Variants in EVI5 observed in about 807,000 individuals in gnomAD.
EVI5 encodes ecotropic viral integration site 5 protein homolog.
EVI5 carries 73 observed loss-of-function variants against 112.0 expected under a neutral mutation model. The ratio of observed to expected loss-of-function variants is 0.65; its 90% confidence interval spans 0.54 to 0.79. EVI5 has a LOEUF of 0.79. EVI5 is among the 30% of genes least tolerant of loss of function. EVI5 has a pLI of 0.00. For missense variants in EVI5, 900 were observed against 968.8 expected, an observed-to-expected ratio of 0.93 and a Z score of 0.94; for synonymous variants, 305 against 319.9, an observed-to-expected ratio of 0.95 and a Z score of 0.50.
intron 2 of EVI5, among the ~76,000 whole-genome samples, chr1:92,729,145 T>G (rs1676065718): frequency 6.6e-6 from 1 of 152,242 alleles, no homozygotes; most frequent in South Asian, 2.1e-4. Context: ...ATAAATCTTC[T>G]ATCTGTGAAA....
intron 13 of EVI5, among the ~76,000 whole-genome samples, chr1:92,648,934 G>C (rs1661546305): frequency 6.6e-6 from 1 of 152,132 alleles, no homozygotes; most frequent in African/African-American, 2.4e-5. Flanking sequence ...TTAACTTTTT[G>C]AGGAACTGCC....
At chr1:92,597,778 G>T (rs777746616) in intron 18 of EVI5, among the ~76,000 whole-genome samples, 2 of 152,230 alleles carry the variant, frequency 1.3e-5, no homozygotes, top group African/African-American at 2.4e-5. Context: ...TAGCAACGAG[G>T]CTGTGTGCAG....
At chr1:92,559,366 A>G (rs1162860789) in intron 19 of EVI5, among the ~76,000 whole-genome samples, 1 of 152,054 alleles carries the variant, frequency 6.6e-6, no homozygotes, top group Non-Finnish European at 1.5e-5. Context: ...ACCCTTCACT[A>G]TACTCCAGCC....
intron 18 of EVI5, among the ~76,000 whole-genome samples, chr1:92,592,778 C>A (rs1285914574): frequency 2.0e-5 from 3 of 152,140 alleles, no homozygotes; most frequent in Admixed American, 6.5e-5. Flanking sequence ...ACCATCAGAG[C>A]ATACTATAAA....
At chr1:92,539,017 T>C (rs1212589359) in intron 19 of EVI5, among the ~76,000 whole-genome samples, 2 of 152,214 alleles carry the variant, frequency 1.3e-5, no homozygotes, top group Non-Finnish European at 2.9e-5. Flanking sequence ...AGTGGAGTAG[T>C]GTCATTAGAT....
chr1:92,783,483 TAA>T (rs774619273), intron 1 of EVI5, among the ~76,000 whole-genome samples: 6,773 of 23,084 alleles, frequency 0.29, 173 homozygotes, highest in Non-Finnish European at 0.35. Context: ...GACTCAGCCT[TAA>T]AAAAAAAAAA....
intron 2 of EVI5, among the ~76,000 whole-genome samples, chr1:92,710,177 T>G (rs1275176267): frequency 6.9e-6 from 1 of 145,054 alleles, no homozygotes; most frequent in Admixed American, 6.9e-5. Flanking sequence ...ACCCCATCTC[T>G]ACTAAAAATA....
chr1:92,735,585 A>C (rs1485119585), intron 2 of EVI5, among the ~76,000 whole-genome samples: 5 of 147,130 alleles, frequency 3.4e-5, no homozygotes, highest in Non-Finnish European at 6.0e-5. Context: ...ATATGTATAT[A>C]ATGTATATAT....
intron 2 of EVI5, among the ~76,000 whole-genome samples, chr1:92,735,978 C>T (rs552152381): frequency 2.4e-4 from 36 of 150,660 alleles, no homozygotes; most frequent in African/African-American, 8.0e-4. Flanking sequence ...TATTTAATAC[C>T]ATTAGGAGAA....
chr1:92,620,854 A>G (rs2101742262), intron 16 of EVI5, among the ~76,000 whole-genome samples: 1 of 152,328 alleles, frequency 6.6e-6, no homozygotes, highest in East Asian at 1.9e-4. Context: ...AAGTTTTTCA[A>G]TTTCTATGAA....
At chr1:92,620,984 A>G (rs1654434506) in intron 16 of EVI5, among the ~76,000 whole-genome samples, 1 of 152,102 alleles carries the variant, frequency 6.6e-6, no homozygotes, top group Non-Finnish European at 1.5e-5. Flanking sequence ...CTTAGATTAC[A>G]CATGAAGTGT....
intron 16 of EVI5, among the ~76,000 whole-genome samples, chr1:92,612,514 G>T (rs1004122773): frequency 2.0e-5 from 3 of 151,914 alleles, no homozygotes; most frequent in African/African-American, 7.3e-5. Context: ...TTCGACACTA[G>T]CCTGGCCAAT....
chr1:92,748,428 C>T (rs909985892), intron 1 of EVI5, among the ~76,000 whole-genome samples: 25 of 152,176 alleles, frequency 1.6e-4, no homozygotes, highest in African/African-American at 5.8e-4. Context: ...AGACCAAAGA[C>T]GTGAAGCAGA....
At chr1:92,630,768 C>T (rs1656870464) in intron 14 of EVI5, among the ~76,000 whole-genome samples, 1 of 152,126 alleles carries the variant, frequency 6.6e-6, no homozygotes, top group Non-Finnish European at 1.5e-5. Context: ...AATGATACTG[C>T]CTAGGTTTTC....
At chr1:92,518,401 T>C (rs957181983) in intron 19 of EVI5, among the ~76,000 whole-genome samples, 8 of 152,006 alleles carry the variant, frequency 5.3e-5, no homozygotes, top group Admixed American at 1.3e-4. Context: ...ACTAAGGAAA[T>C]AGAGGCACCA....
intron 16 of EVI5, among the ~76,000 whole-genome samples, chr1:92,619,982 T>C (rs1046327048): frequency 2.6e-5 from 4 of 152,046 alleles, no homozygotes; most frequent in African/African-American, 9.7e-5. Context: ...TTAGACAACC[T>C]TGAACAATCT....
At chr1:92,554,136 T>C (rs868144322) in intron 19 of EVI5, among the ~76,000 whole-genome samples, 1 of 152,192 alleles carries the variant, frequency 6.6e-6, no homozygotes, top group African/African-American at 2.4e-5. Context: ...AATTCTGCAG[T>C]CTTAGATAGA....
intron 18 of EVI5, among the ~76,000 whole-genome samples, chr1:92,565,058 T>C (rs537727706): frequency 1.3e-5 from 2 of 152,310 alleles, no homozygotes; most frequent in South Asian, 4.1e-4. Flanking sequence ...AAGCCATGTG[T>C]TGATGCTTAA....
chr1:92,757,323 A>G (rs568579685), intron 1 of EVI5, among the ~76,000 whole-genome samples: 5 of 152,320 alleles, frequency 3.3e-5, no homozygotes, highest in Admixed American at 6.5e-5. Context: ...ACATTGGCTT[A>G]TAAGTCAAAA....
Sources: allele counts gnomAD v4.1 joint callset (sites outside exome capture counted in the v4.1 genomes callset), GRCh38; gene constraint gnomAD v4.1.1; transcripts MANE v1.5; gene names NCBI Gene and HGNC (gene_info 2026-07-23, HGNC 2026-07-21).